ALK: variants seen among roughly 807,000 people sequenced by gnomAD.
The protein encoded by ALK is ALK tyrosine kinase receptor.
ALK carries 74 observed loss-of-function variants against 163.1 expected under a neutral mutation model. The observed-to-expected ratio is 0.45, with a 90% CI of 0.38 to 0.55. ALK has a LOEUF of 0.55. Among genes scored for constraint, ALK ranks in the 20% least tolerant of loss-of-function variants. The pLI is 0.00. For missense variants in ALK, 2,063 were observed against 2,105.3 expected (o/e 0.98, Z 0.39); for synonymous variants, 960 against 843.2 (o/e 1.14, Z -2.40).
At chr2:29,572,751 G>C (rs1674411689) in intron 3 of ALK, among the ~76,000 whole-genome samples, 1 of 152,188 alleles carries the variant, frequency 6.6e-6, no homozygotes, top group Admixed American at 6.5e-5. Flanking sequence ...GAGCTGAACA[G>C]ATGAATGAAG....
At chr2:29,252,278 A>G (rs181584139) in intron 11 of ALK, among the ~76,000 whole-genome samples, 2 of 150,168 alleles carry the variant, frequency 1.3e-5, no homozygotes, top group East Asian at 4.0e-4. Context: ...TAACATTTTT[A>G]CAACCTATAA....
intron 3 of ALK, among the ~76,000 whole-genome samples, chr2:29,579,546 C>T (rs553744575): frequency 6.6e-6 from 1 of 152,302 alleles, no homozygotes; most frequent in South Asian, 2.1e-4. Flanking sequence ...CTGACAGCCT[C>T]CCAGATGTCC....
intron 4 of ALK, among the ~76,000 whole-genome samples, chr2:29,515,843 G>A (rs981905442): frequency 1.3e-5 from 2 of 152,166 alleles, no homozygotes; most frequent in Admixed American, 1.3e-4. Context: ...TTAAGTATAG[G>A]CATCAAAAGG....
In ALK at chr2:29,747,158, A is replaced by G. The variant is rs543486350; in HGVS notation, c.668-29461T>C. ...GATGGAAAAGCCCTCCTCAATTAAAACTCCAGCTTGACCTCTCTCAAACTG... is the reference window on the plus strand; with the variant it reads ...GATGGAAAAGCCCTCCTCAATTAAAGCTCCAGCTTGACCTCTCTCAAACTG... On this transcript the variant is annotated intron_variant, in intron 1 of 28. Transcript: ENST00000389048. Among the ~76,000 whole-genome samples, 754 of 152,002 alleles carry G rather than the reference A, an allele frequency of 5.0e-3. 3 individuals carry two copies. The highest frequency in any genetic ancestry group is 0.02 in the Middle Eastern group (6 of 294).
intron 4 of ALK, among the ~76,000 whole-genome samples, chr2:29,414,974 C>T (rs1198672157): frequency 6.6e-6 from 1 of 151,894 alleles, no homozygotes; most frequent in Non-Finnish European, 1.5e-5. Flanking sequence ...GGTGTGGCTC[C>T]AGGCCCAGGA....
chr2:29,884,537 G>C (rs7560071), intron 1 of ALK, among the ~76,000 whole-genome samples: 116,591 of 151,734 alleles, frequency 0.77, 44,888 homozygotes, highest in East Asian at 0.79. Flanking sequence ...GGGTAAATAC[G>C]TTTTTATGTC....
intron 4 of ALK, among the ~76,000 whole-genome samples, chr2:29,444,762 A>G (rs1670629949): frequency 6.6e-6 from 1 of 152,194 alleles, no homozygotes; most frequent in Non-Finnish European, 1.5e-5. Flanking sequence ...GGGCTCCTAA[A>G]AGTACTGTGG....
At chr2:29,694,527 A>G (rs1678495969) in intron 3 of ALK, among the ~76,000 whole-genome samples, 1 of 152,248 alleles carries the variant, frequency 6.6e-6, no homozygotes, top group African/African-American at 2.4e-5. Flanking sequence ...AAATTTAATG[A>G]GGTATCTTGT....
chr2:29,421,327 G>A (rs747500696), intron 4 of ALK, among the ~76,000 whole-genome samples: 5 of 151,356 alleles, frequency 3.3e-5, no homozygotes, highest in Non-Finnish European at 5.9e-5. Context: ...TTGAGAGATC[G>A]GGGTAGAAAA....
chr2:29,369,878 A>G (rs961633598), intron 5 of ALK, among the ~76,000 whole-genome samples: 1 of 152,180 alleles, frequency 6.6e-6, no homozygotes, highest in East Asian at 1.9e-4. Flanking sequence ...CTGCTTTTGC[A>G]TTACATACAG....
At chr2:29,719,189 AC>A (rs973798911) in intron 1 of ALK, among the ~76,000 whole-genome samples, 3 of 152,242 alleles carry the variant, frequency 2.0e-5, no homozygotes, top group East Asian at 1.9e-4. Flanking sequence ...TCCTAAAAAA[AC>A]ATTTTAATCT....
At chr2:29,690,070 T>C (rs1293814122) in intron 3 of ALK, among the ~76,000 whole-genome samples, 1 of 152,184 alleles carries the variant, frequency 6.6e-6, no homozygotes, top group African/African-American at 2.4e-5. Flanking sequence ...TAAGAATTTG[T>C]TAAAACAGCC....
intron 2 of ALK, among the ~76,000 whole-genome samples, chr2:29,708,671 T>A (rs1558452915): frequency 6.6e-6 from 1 of 152,168 alleles, no homozygotes; most frequent in Non-Finnish European, 1.5e-5. Flanking sequence ...TTGTGAGCCA[T>A]CTTATTGAGA....
At chr2:29,315,462 C>T (rs976177501) in intron 8 of ALK, among the ~76,000 whole-genome samples, 2 of 152,122 alleles carry the variant, frequency 1.3e-5, no homozygotes, top group East Asian at 1.9e-4. Flanking sequence ...AGTGACATCA[C>T]GCTATTTGGG....
At chr2:29,574,360 C>T (rs1422190747) in intron 3 of ALK, among the ~76,000 whole-genome samples, 1 of 152,244 alleles carries the variant, frequency 6.6e-6, no homozygotes, top group Non-Finnish European at 1.5e-5. Context: ...CCGAAACGTA[C>T]ATGAGGGGGT....
At chr2:29,492,097 A>G (rs1671916481) in intron 4 of ALK, among the ~76,000 whole-genome samples, 1 of 152,190 alleles carries the variant, frequency 6.6e-6, no homozygotes, top group African/African-American at 2.4e-5. Flanking sequence ...GAAAAATATC[A>G]TCCTGGGTCT....
intron 5 of ALK, among the ~76,000 whole-genome samples, chr2:29,359,915 G>A (rs1236534614): frequency 6.6e-6 from 1 of 152,220 alleles, no homozygotes; most frequent in East Asian, 1.9e-4. Flanking sequence ...AGAAGAAGAA[G>A]ACCTGACCTG....
intron 4 of ALK, among the ~76,000 whole-genome samples, chr2:29,502,141 C>T (rs984685624): frequency 6.6e-6 from 1 of 152,160 alleles, no homozygotes; most frequent in African/African-American, 2.4e-5. Context: ...CAGGTACACG[C>T]TGGAGAATAA....
intron 9 of ALK, among the ~76,000 whole-genome samples, chr2:29,282,602 G>A (rs1035067751): frequency 1.3e-5 from 2 of 152,126 alleles, no homozygotes; most frequent in African/African-American, 4.8e-5. Context: ...ACCACCTCCT[G>A]CCTTGGTTTC....
Sources: allele counts gnomAD v4.1 joint callset (sites outside exome capture counted in the v4.1 genomes callset), GRCh38; gene constraint gnomAD v4.1.1; transcripts MANE v1.5; gene names NCBI Gene and HGNC (gene_info 2026-07-23, HGNC 2026-07-21).